NCAPD3: variants seen among roughly 807,000 people sequenced by gnomAD.
NCAPD3 encodes the protein condensin-2 complex subunit D3.
Under a neutral mutation model 182.9 loss-of-function variants are expected in NCAPD3, and 105 were observed. The observed-to-expected ratio is 0.57, with a 90% CI of 0.49 to 0.68. The LOEUF is 0.68. Ranked by LOEUF, NCAPD3 falls within the 30% of genes least tolerant of loss-of-function variation. The probability of loss-of-function intolerance (pLI) is 0.00; values close to 1 mark genes in which losing one functional copy is unlikely to be tolerated. For synonymous variants in NCAPD3, 815 were observed against 679.9 expected, an observed-to-expected ratio of 1.20 and a Z score of -3.09; for missense variants, 1,944 against 1,837.0, an observed-to-expected ratio of 1.06 and a Z score of -1.07.
chr11:134,221,429 G>T (rs1938223150), intron 1 of NCAPD3, among the ~76,000 whole-genome samples: 2 of 151,572 alleles, frequency 1.3e-5, no homozygotes, highest in African/African-American at 4.9e-5. Context: ...CAACATGCAG[G>T]TTTGTTACAT....
At chr11:134,161,963 C>T in intron 27 of NCAPD3, 72 bp from the exon 28 acceptor site, 1 of 769,750 alleles carries the variant, frequency 1.3e-6, no homozygotes, top group East Asian at 2.8e-5. Context: ...TGATCTAGTT[C>T]TTTGAGTAGA....
intron 16 of NCAPD3, among the ~76,000 whole-genome samples, chr11:134,188,530 A>G (rs1944459300): frequency 6.6e-6 from 1 of 152,266 alleles, no homozygotes; most frequent in Non-Finnish European, 1.5e-5. Flanking sequence ...GAACTGTAAC[A>G]CCGCAAGGGT....
At chr11:134,175,963 T>C (rs950429338) in intron 24 of NCAPD3, among the ~76,000 whole-genome samples, 1 of 151,748 alleles carries the variant, frequency 6.6e-6, no homozygotes, top group Non-Finnish European at 1.5e-5. Flanking sequence ...TTTTTTTGCC[T>C]AGAAATTAAC....
At position 134,157,867 on chromosome 11, in the gene NCAPD3, C is replaced by T. The variant is rs1591819505; in HGVS notation, c.4174+61G>A. 3.9e-6 allele frequency: 6 copies of T among 1,519,094 alleles called. No homozygotes were observed. The East Asian group carries it at 9.1e-5, about 23-fold the overall frequency. 94.1% of individuals were successfully genotyped at this position (1,519,094 alleles called of 1,614,324 possible). A position where few individuals can be genotyped will look rare whatever the true frequency, so the allele number is the denominator to read the frequency against. Reference sequence around the variant, plus strand: ...CCGCTTTGAAAGGAATAAGAAGTAGCTTGTTCTGTGTTTTCATCTGTAAAT... The same window carrying T: ...CCGCTTTGAAAGGAATAAGAAGTAGTTTGTTCTGTGTTTTCATCTGTAAAT... On this transcript the variant is annotated intron_variant, in intron 31 of 34. Coordinates refer to ENST00000534548, the MANE Select transcript of NCAPD3 (RefSeq NM_015261.3).
intron 3 of NCAPD3, among the ~76,000 whole-genome samples, chr11:134,216,217 C>A (rs960174620): frequency 6.6e-6 from 1 of 152,168 alleles, no homozygotes; most frequent in African/African-American, 2.4e-5. Context: ...AAATATAAGA[C>A]CTTTTTGCCC....
intron 24 of NCAPD3, chr11:134,173,420 C>T (rs1258677127): frequency 6.5e-6 from 1 of 153,496 alleles, no homozygotes; most frequent in Non-Finnish European, 1.5e-5. Flanking sequence ...AAAGCCTTCC[C>T]CCAGAGCTGT....
intron 24 of NCAPD3, 82 bp from the exon 25 acceptor site, chr11:134,169,136 C>G: frequency 2.8e-6 from 4 of 1,406,150 alleles, no homozygotes; most frequent in Non-Finnish European, 3.9e-6. Flanking sequence ...CTCTGCTGAG[C>G]AGAGGAGAGC....
chr11:134,152,976 G>A lies in NCAPD3; in HGVS notation c.4465C>T (p.Leu1489Phe), dbSNP rs755637163. The change falls in exon 35 of 35, where the codon CTC becomes TTC. Residue 1489 changes from leucine to phenylalanine, a missense_variant. Coordinates refer to ENST00000534548, the MANE Select transcript of NCAPD3 (RefSeq NM_015261.3). ...GCTGTTTTCAGAGGGGTCTTTCGGA[G>A]GGACCTCCTGCTGCAGGCTGGAGTG... is the stretch of plus-strand genomic sequence containing the variant. Reference protein sequence around the residue: ...KDTPACSRRSLRKTPLKTAN With the variant: ...KDTPACSRRSFRKTPLKTAN 4.4e-6 allele frequency: 7 copies of A among 1,573,900 alleles called. No homozygotes were observed. Among genetic ancestry groups the A allele is most frequent in the Non-Finnish European group, 6.0e-6 (7 of 1,159,418 alleles).
chr11:134,207,916 A>G (rs1183143546), intron 7 of NCAPD3, among the ~76,000 whole-genome samples: 2 of 152,222 alleles, frequency 1.3e-5, no homozygotes, highest in Non-Finnish European at 2.9e-5. Context: ...TAAAGATACT[A>G]AACTTATAAA....
At chr11:134,183,142 T>C in intron 19 of NCAPD3, 1 of 456,314 alleles carries the variant, frequency 2.2e-6, no homozygotes, top group South Asian at 1.5e-5. Context: ...ATGATTCTTT[T>C]TCCAACCAGT....
chr11:134,184,426 C>T (rs117156262), intron 19 of NCAPD3, among the ~76,000 whole-genome samples: 2 of 152,340 alleles, frequency 1.3e-5, no homozygotes, highest in East Asian at 1.9e-4. Flanking sequence ...TGGTGACCAT[C>T]TAAGGGTGCC....
rs1944094810 is a variant in NCAPD3, at chr11:134,174,073, A to C, written c.3101+2234T>G. On this transcript the variant is annotated intron_variant, in intron 24 of 34. Transcript: ENST00000534548. The stretch of plus-strand genomic sequence containing the variant: ...GCTCTGCCACCATAGTCTCTTCCTA[A>C]GATCTGCATTAGCAGAAACACACGA... Among the ~76,000 whole-genome samples the C allele has an allele frequency of 2.6e-5, 4 of 152,294 alleles. No homozygotes were observed. The South Asian group carries it at 8.3e-4, about 32-fold the overall frequency.
rs763009764 is a variant in NCAPD3, at chr11:134,220,688, T to C, written c.103A>G (p.Thr35Ala). Residue 35 changes from threonine (T) to alanine (A), a missense_variant, in exon 2 of 35, where the codon ACT becomes GCT. Around this residue, in one of 3 missense-constraint regions of NCAPD3, gnomAD observed 131 missense variants for 133.9 expected, o/e 0.98. Coordinates refer to ENST00000534548, the MANE Select transcript of NCAPD3 (RefSeq NM_015261.3). ...TCTATGCTGGGATCCAAAGGCTCAG[T>C]CTCTGTGAAATCCAGTTCCCACACT... Reference protein sequence around the residue: ...DTVWELDFTETEPLDPSIEAE... With the variant: ...DTVWELDFTEAEPLDPSIEAE... 6.5e-5 allele frequency: 105 copies of C among 1,613,960 alleles called. No homozygotes were observed. Among genetic ancestry groups the C allele is most frequent in the Non-Finnish European group, 8.4e-5 (99 of 1,179,976 alleles).
intron 8 of NCAPD3, among the ~76,000 whole-genome samples, chr11:134,205,843 T>G (rs1937600715): frequency 6.6e-6 from 1 of 152,194 alleles, no homozygotes; most frequent in Non-Finnish European, 1.5e-5. Context: ...TTTTAAAAAG[T>G]CCTTAGTGAG....
At chr11:134,159,345 G>A (rs1318638742) in intron 29 of NCAPD3, among the ~76,000 whole-genome samples, 1 of 152,194 alleles carries the variant, frequency 6.6e-6, no homozygotes, top group Admixed American at 6.5e-5. Flanking sequence ...CGTACTATGA[G>A]CAAGTCCATA....
intron 19 of NCAPD3, among the ~76,000 whole-genome samples, chr11:134,181,635 C>G (rs1944299096): frequency 6.6e-6 from 1 of 152,174 alleles, no homozygotes; most frequent in African/African-American, 2.4e-5. Flanking sequence ...GCATTAGGGA[C>G]AAGTGTTCCG....
chr11:134,181,274 T>C, intron 19 of NCAPD3, 90 bp from the exon 20 acceptor site: 1 of 827,186 alleles, frequency 1.2e-6, no homozygotes, highest in Non-Finnish European at 2.0e-6. Context: ...AACTATGATC[T>C]TCAAATGGAT....
At chr11:134,178,176 G>C (rs1234052714) in intron 22 of NCAPD3, 1 of 152,504 alleles carries the variant, frequency 6.6e-6, no homozygotes, top group African/African-American at 2.4e-5. Context: ...GCCAATTCTG[G>C]AAAGTACTAA....
intron 19 of NCAPD3, among the ~76,000 whole-genome samples, chr11:134,183,604 G>C (rs1944341640): frequency 6.6e-6 from 1 of 151,982 alleles, no homozygotes; most frequent in South Asian, 2.1e-4. Flanking sequence ...TAATTTCTTG[G>C]GTCTTGAGAT....
Sources: gnomAD v4.1 joint callset for allele counts (sites outside exome capture counted in the v4.1 genomes callset) on GRCh38, gnomAD v4.1.1 for gene constraint, gnomAD v4.1.1 regional missense constraint, MANE v1.5 for transcripts, NCBI Gene and HGNC (gene_info 2026-07-23, HGNC 2026-07-21) for gene names.